Variants in TNRC6B observed in about 807,000 individuals in gnomAD.
TNRC6B encodes the protein trinucleotide repeat-containing gene 6B protein.
In TNRC6B, 52 loss-of-function variants were observed where a neutral mutation model predicts 203.6. The ratio of observed to expected loss-of-function variants is 0.26; its 90% CI spans 0.20 to 0.32. The LOEUF (loss-of-function observed/expected upper bound fraction) is 0.32, where lower values mean the gene tolerates loss of function less well. TNRC6B is among the 10% of genes least tolerant of loss of function. The pLI is 1.00. For missense variants in TNRC6B, 1,923 were observed against 2,286.2 expected, an observed-to-expected ratio of 0.84 and a Z score of 3.24; for synonymous variants, 838 against 845.7, an observed-to-expected ratio of 0.99 and a Z score of 0.16.
upstream of TNRC6B, chr22:40,177,836 T>G (rs1406963169): frequency 3.0e-6 from 4 of 1,313,800 alleles, no homozygotes; most frequent in Non-Finnish European, 3.9e-6. Flanking sequence ...CAGTCTCAGC[T>G]CCAGCTCCCT....
chr22:40,323,020 C>T lies in TNRC6B; in HGVS notation c.5281C>T (p.Pro1761Ser). 2 of 1,604,592 alleles carry T rather than the reference C, an allele frequency of 1.2e-6. No individual in the cohort carries two copies. The change falls in exon 23 of 23, where the codon CCT (proline) becomes TCT (serine). Residue 1761 changes from proline (P) to serine (S), a missense_variant. Transcript: ENST00000454349. ...TGQNQSDPVG[P>S]ALNLFGGSTG... ...CCAGAACCAGTCAGATCCCGTGGGA[C>T]CTGCTCTGAATCTTTTTGGTGGGTC...
rs1378269392 is a variant in TNRC6B, at chr22:40,326,539, GC to G, written c.*3300del. On this transcript the variant is annotated 3_prime_UTR_variant, in exon 23 of 23. Transcript: ENST00000454349. ...GTGTTTGGTGTATATAGATGAGAAT[GC>G]CATCACTTTGTTCCTTTCCATTTGA... 2.0e-5 allele frequency: 3 copies of G among 152,500 alleles called. No homozygotes were observed. The highest frequency in any genetic ancestry group is 4.4e-5 in the Non-Finnish European group (3 of 68,016). The allele number at this position is 152,500 out of a possible 1,614,324, so 9.4% of individuals were successfully genotyped here.
intron 12 of TNRC6B, among the ~76,000 whole-genome samples, chr22:40,289,434 CCTT>C (rs1461209760): frequency 2.7e-4 from 41 of 152,284 alleles, no homozygotes; most frequent in African/African-American, 9.4e-4. Flanking sequence ...TGGGAATTAA[CCTT>C]CTTGTGGAAG....
rs940762867 is a variant in TNRC6B, at chr22:40,264,845, C to T, written c.615C>T (p.Ser205=). The T allele has an allele frequency of 7.4e-6, 12 of 1,613,788 alleles. 1 individual carries two copies. Among genetic ancestry groups the T allele is most frequent in the South Asian group, 1.1e-5 (1 of 91,068 alleles). Residue 205 remains serine, a synonymous_variant, in exon 5 of 23, where the codon AGC becomes AGT. Transcript: ENST00000454349. ...SDMEEWPCIA[S]KDTESSSENT... ...TGGAAGAGTGGCCTTGTATTGCCAGCAAAGACACTGAATCTTCTTCCGAAA... is the reference window on the plus strand; with the variant it reads ...TGGAAGAGTGGCCTTGTATTGCCAGTAAAGACACTGAATCTTCTTCCGAAA...
intron 1 of TNRC6B, among the ~76,000 whole-genome samples, chr22:40,109,987 A>G (rs991444422): frequency 1.2e-4 from 18 of 152,344 alleles, no homozygotes; most frequent in African/African-American, 3.6e-4. Flanking sequence ...ATCATTATCA[A>G]TGTTCAACTC....
intron 15 of TNRC6B, 200 bp downstream of exon 15, chr22:40,301,533 TAGC>T: frequency 1.7e-6 from 1 of 593,864 alleles, no homozygotes. Flanking sequence ...GGTTACTAAA[TAGC>T]AGAGCCAGGC....
At chr22:40,255,251 G>A (rs1234219985) in intron 3 of TNRC6B, among the ~76,000 whole-genome samples, 1 of 152,228 alleles carries the variant, frequency 6.6e-6, no homozygotes, top group African/African-American at 2.4e-5. Context: ...AAAGCTTCTA[G>A]CTCAGTAGAA....
chr22:40,274,244 TC>T (rs1434465880), intron 7 of TNRC6B, among the ~76,000 whole-genome samples: 4 of 152,028 alleles, frequency 2.6e-5, no homozygotes, highest in African/African-American at 9.7e-5. Context: ...TTCCAGTAAA[TC>T]CCCATAGATA....
intron 1 of TNRC6B, among the ~76,000 whole-genome samples, chr22:40,074,162 A>G (rs973280760): frequency 6.6e-6 from 1 of 150,896 alleles, no homozygotes; most frequent in Non-Finnish European, 1.5e-5. Flanking sequence ...AACCTGTGTG[A>G]CAGAGACTGC....
Position 40,284,859 on chromosome 22 carries a change from G to A in TNRC6B, c.3583-786G>A, listed in dbSNP as rs111933745. 4.5e-4 allele frequency among the ~76,000 whole-genome samples: 68 copies of A among 152,258 alleles called. 2 individuals carry two copies. The highest frequency in any genetic ancestry group is 1.4e-3 in the African/African-American group (58 of 41,540). On this transcript the variant is annotated intron_variant, in intron 11 of 22. Transcript: ENST00000454349. ...CATTATTATCAAATATGGTTTCTTC[G>A]CTGAAGGACTTTTCTCAGCTAGAAA...
intron 4 of TNRC6B, among the ~76,000 whole-genome samples, chr22:40,163,354 C>T (rs2068886596): frequency 7.2e-6 from 1 of 139,580 alleles, no homozygotes; most frequent in African/African-American, 2.7e-5. Flanking sequence ...GCCAAGATCA[C>T]ACCACTGCAC....
chr22:40,130,468 C>A (rs2018458), intron 3 of TNRC6B, among the ~76,000 whole-genome samples: 57,929 of 151,968 alleles, frequency 0.38, 16,721 homozygotes, highest in African/African-American at 0.81. Context: ...GCAGTTGTAG[C>A]GAAGGTGCTA....
Position 40,321,078 on chromosome 22 carries a change from A to G in TNRC6B, c.4975-12A>G. The G allele has an allele frequency of 1.2e-6, 2 of 1,613,766 alleles. No individual in the cohort carries two copies. The highest frequency in any genetic ancestry group is 1.1e-5 in the South Asian group (1 of 91,082). On this transcript the variant is annotated splice_polypyrimidine_tract_variant and intron_variant, in intron 21 of 22. Coordinates refer to ENST00000454349, the MANE Select transcript of TNRC6B (RefSeq NM_001162501.2). ...CTCCAGTCTTTATCTCATGAATGTC[A>G]TTACTCCTTAGATTGATGGGTCAAC...
At chr22:40,131,854 T>A (rs2413611) in intron 3 of TNRC6B, among the ~76,000 whole-genome samples, 99,775 of 152,092 alleles carry the variant, frequency 0.66, 34,339 homozygotes, top group African/African-American at 0.87. Flanking sequence ...TGACAGAGTT[T>A]TTGTTAATGT....
chr22:40,217,849 C>T (rs1342197968), intron 1 of TNRC6B, among the ~76,000 whole-genome samples: 3 of 151,748 alleles, frequency 2.0e-5, no homozygotes, highest in Non-Finnish European at 2.9e-5. Context: ...GTTTCGTGTG[C>T]CTGTGGTCCC....
intron 9 of TNRC6B, 102 bp downstream of exon 9, chr22:40,278,146 C>A: frequency 1.1e-6 from 1 of 888,684 alleles, no homozygotes; most frequent in Non-Finnish European, 1.8e-6. Flanking sequence ...GTTCAGTAGA[C>A]ATTGATTGAG....
At chr22:40,122,297 G>A (rs377293304) in intron 2 of TNRC6B, among the ~76,000 whole-genome samples, 5 of 152,266 alleles carry the variant, frequency 3.3e-5, no homozygotes, top group East Asian at 3.9e-4. Flanking sequence ...CTAATAAAGC[G>A]GTATTGGACC....
chr22:40,182,892 A>G (rs1392172926), intron 1 of TNRC6B, among the ~76,000 whole-genome samples: 5 of 152,128 alleles, frequency 3.3e-5, no homozygotes, highest in South Asian at 2.1e-4. Context: ...GAACTTTGCA[A>G]CCTGGAATTG....
intron 1 of TNRC6B, among the ~76,000 whole-genome samples, chr22:40,096,644 G>A (rs931173422): frequency 2.0e-5 from 3 of 152,122 alleles, no homozygotes; most frequent in African/African-American, 7.2e-5. Flanking sequence ...CTTCTCTTGT[G>A]CCTAAACAAC....
Sources: gnomAD v4.1 joint callset for allele counts (sites outside exome capture counted in the v4.1 genomes callset) on GRCh38, gnomAD v4.1.1 for gene constraint, MANE v1.5 for transcripts, NCBI Gene and HGNC (gene_info 2026-07-23, HGNC 2026-07-21) for gene names.